Variants in NOVA1 observed in about 807,000 individuals in gnomAD.
The protein encoded by NOVA1 is RNA-binding protein Nova-1.
In NOVA1, 7 loss-of-function variants were observed where a neutral mutation model predicts 38.0. The ratio of observed to expected loss-of-function variants is 0.18; its 90% CI spans 0.10 to 0.35. NOVA1 has a LOEUF of 0.35. Among genes scored for constraint, NOVA1 ranks in the 10% least tolerant of loss-of-function variants. The pLI is 1.00. For synonymous variants in NOVA1, 270 were observed against 232.5 expected (o/e 1.16, Z -1.47); for missense variants, 460 against 616.0 (o/e 0.75, Z 2.68).
chr14:26,515,096 T>A (rs1321779338), intron 2 of NOVA1, among the ~76,000 whole-genome samples: 1 of 151,972 alleles, frequency 6.6e-6, no homozygotes, highest in East Asian at 1.9e-4. Flanking sequence ...AGAACAAAAG[T>A]GGACAATAAT....
At chr14:26,519,115 C>T (rs1327188728) in intron 2 of NOVA1, 1 of 151,980 alleles carries the variant, frequency 6.6e-6, no homozygotes, top group East Asian at 1.9e-4. Context: ...AATCTCTTCT[C>T]GTGAAATTAG....
At chr14:26,561,557 T>G (rs1037567895) in intron 2 of NOVA1, among the ~76,000 whole-genome samples, 1 of 151,920 alleles carries the variant, frequency 6.6e-6, no homozygotes, top group African/African-American at 2.4e-5. Flanking sequence ...AGGAAGGCAA[T>G]AGGTTTCTAT....
intron 2 of NOVA1, among the ~76,000 whole-genome samples, chr14:26,588,008 A>G (rs191643182): frequency 6.6e-6 from 1 of 151,372 alleles, no homozygotes; most frequent in African/African-American, 2.4e-5. Flanking sequence ...AACTTCTGTC[A>G]TATCCTAGAA....
intron 2 of NOVA1, among the ~76,000 whole-genome samples, chr14:26,584,151 T>A (rs748219968): frequency 1.3e-5 from 2 of 151,244 alleles, no homozygotes; most frequent in Non-Finnish European, 3.0e-5. Flanking sequence ...GTCCTCCACC[T>A]TTTTTTTCTT....
intron 2 of NOVA1, among the ~76,000 whole-genome samples, chr14:26,554,346 T>G (rs1052044542): frequency 1.3e-5 from 2 of 151,462 alleles, no homozygotes; most frequent in Non-Finnish European, 2.9e-5. Flanking sequence ...GAAATAGGTA[T>G]ATGAGAAAAA....
At chr14:26,593,538 C>A (rs367892492) in intron 2 of NOVA1, 1 of 151,816 alleles carries the variant, frequency 6.6e-6, no homozygotes, top group East Asian at 1.9e-4. Flanking sequence ...GTATAGACTT[C>A]TTTTATCCAA....
At chr14:26,576,832 TTATC>T (rs1189614846) in intron 2 of NOVA1, among the ~76,000 whole-genome samples, 4 of 151,946 alleles carry the variant, frequency 2.6e-5, no homozygotes, top group African/African-American at 7.2e-5. Flanking sequence ...GTCAGATAAA[TTATC>T]TATCACTTTC....
At chr14:26,449,969 C>A (rs1294598339) in intron 4 of NOVA1, among the ~76,000 whole-genome samples, 1 of 151,974 alleles carries the variant, frequency 6.6e-6, no homozygotes, top group East Asian at 1.9e-4. Context: ...TCTATCATCC[C>A]TAAAATTAAA....
At position 26,446,045 on chromosome 14, in the gene NOVA1, C is replaced by A. The variant is rs1742784657; in HGVS notation, c.*1914G>T. On this transcript the variant is annotated 3_prime_UTR_variant, in exon 5 of 5. Transcript: ENST00000539517. ...CATTACCAATTAACACAGTTTACTA[C>A]AGCTTTTCTCTTTCATTTAAACAAG... 1 of 152,428 alleles carries A rather than the reference C, an allele frequency of 6.6e-6. No individual in the cohort carries two copies. Among genetic ancestry groups the A allele is most frequent in the South Asian group, 2.1e-4 (1 of 4,826 alleles). The allele number at this position is 152,428 out of a possible 1,614,324, so 9.4% of individuals were successfully genotyped here. A position where few individuals can be genotyped will look rare whatever the true frequency, so the allele number is the denominator to read the frequency against.
chr14:26,453,070 C>G (rs2138573283), intron 4 of NOVA1, among the ~76,000 whole-genome samples: 1 of 152,164 alleles, frequency 6.6e-6, no homozygotes, highest in East Asian at 1.9e-4. Context: ...TTTTCACAAC[C>G]AAGTATTTCC....
chr14:26,476,488 T>C (rs1884994076), intron 3 of NOVA1, among the ~76,000 whole-genome samples: 1 of 152,166 alleles, frequency 6.6e-6, no homozygotes, highest in African/African-American at 2.4e-5. Flanking sequence ...GCAACATAAA[T>C]GTCCCACTTC....
chr14:26,543,848 GT>G (rs1174483401), intron 2 of NOVA1, among the ~76,000 whole-genome samples: 4 of 151,978 alleles, frequency 2.6e-5, no homozygotes, highest in Admixed American at 2.6e-4. Context: ...GCTACAGTTG[GT>G]AAGAATGTGG....
intron 3 of NOVA1, among the ~76,000 whole-genome samples, chr14:26,477,992 T>C (rs953955380): frequency 1.2e-4 from 19 of 152,018 alleles, no homozygotes; most frequent in African/African-American, 2.7e-4. Context: ...ACATACATTA[T>C]TGATTACATG....
chr14:26,546,819 A>C (rs1264228860), intron 2 of NOVA1, among the ~76,000 whole-genome samples: 1 of 152,138 alleles, frequency 6.6e-6, no homozygotes, highest in African/African-American at 2.4e-5. Flanking sequence ...GGAGATCAAG[A>C]CCATCCTGGC....
chr14:26,586,908 GTTT>G (rs558343568), intron 2 of NOVA1, among the ~76,000 whole-genome samples: 1 of 132,580 alleles, frequency 7.5e-6, no homozygotes, highest in Non-Finnish European at 1.6e-5. Flanking sequence ...CATCATCTCA[GTTT>G]TTTTTTTTTT....
At position 26,587,679 on chromosome 14, in the gene NOVA1, A is replaced by G. The variant is rs183682012; in HGVS notation, c.280+7731T>C. On this transcript the variant is annotated intron_variant, in intron 2 of 4. Transcript: ENST00000539517. ...CAGTAAGAGCTTACTTACCTCCAACACTAACCACTTCAAAACCAGGTATTT... is the reference window on the plus strand; with the variant it reads ...CAGTAAGAGCTTACTTACCTCCAACGCTAACCACTTCAAAACCAGGTATTT... 3.1e-3 allele frequency among the ~76,000 whole-genome samples: 473 copies of G among 151,434 alleles called. 1 individual carries two copies. Among genetic ancestry groups the G allele is most frequent in the South Asian group, 0.012 (56 of 4,826 alleles).
intron 4 of NOVA1, among the ~76,000 whole-genome samples, chr14:26,455,972 G>T (rs962920234): frequency 6.6e-6 from 1 of 151,848 alleles, no homozygotes; most frequent in African/African-American, 2.4e-5. Context: ...ACTGATGAAA[G>T]GCTTATAAGC....
chr14:26,522,831 T>A (rs1888993740), intron 2 of NOVA1, among the ~76,000 whole-genome samples: 1 of 152,194 alleles, frequency 6.6e-6, no homozygotes, highest in South Asian at 2.1e-4. Flanking sequence ...AATATTACTA[T>A]GAATAACCAC....
chr14:26,499,270 T>C (rs1159185008), intron 2 of NOVA1, among the ~76,000 whole-genome samples: 1 of 152,172 alleles, frequency 6.6e-6, no homozygotes, highest in Non-Finnish European at 1.5e-5. Flanking sequence ...CCTTTATATA[T>C]GTCTCATAAC....
Sources: allele counts gnomAD v4.1 joint callset (sites outside exome capture counted in the v4.1 genomes callset), GRCh38; gene constraint gnomAD v4.1.1; transcripts MANE v1.5; gene names NCBI Gene and HGNC (gene_info 2026-07-23, HGNC 2026-07-21).